The following NRXN3 variants were observed in gnomAD, a reference collection of about 807,000 sequenced individuals.
NRXN3 encodes neurexin 3, also known as neurexin III.
NRXN3 carries 32 observed loss-of-function variants against 137.6 expected under a neutral mutation model. The ratio of observed to expected loss-of-function variants is 0.23; its 90% CI spans 0.18 to 0.31. The LOEUF (loss-of-function observed/expected upper bound fraction) is 0.31, where lower values mean the gene tolerates loss of function less well. Ranked by LOEUF, NRXN3 falls within the 10% of genes least tolerant of loss-of-function variation. The probability of loss-of-function intolerance (pLI) is 1.00; values close to 1 mark genes in which losing one functional copy is unlikely to be tolerated. For synonymous variants in NRXN3, 798 were observed against 784.5 expected (o/e 1.02, Z -0.29); for missense variants, 1,574 against 2,062.5 (o/e 0.76, Z 4.59).
intron 15 of NRXN3, among the ~76,000 whole-genome samples, chr14:79,162,987 T>G (rs1261240798): frequency 6.6e-6 from 1 of 151,904 alleles, no homozygotes; most frequent in African/African-American, 2.4e-5. Context: ...CTTCTCTTCC[T>G]TTTTTTCTTC....
chr14:79,623,431 G>C (rs751037940), intron 16 of NRXN3, among the ~76,000 whole-genome samples: 2 of 152,194 alleles, frequency 1.3e-5, no homozygotes, highest in African/African-American at 2.4e-5. Context: ...AGCAGCTGTA[G>C]ACACTTCGTT....
At position 79,861,648 on chromosome 14, in the gene NRXN3, G is replaced by A. The variant is rs372128835; in HGVS notation, c.4400G>A (p.Arg1467His). 37 of 1,613,960 alleles carry A rather than the reference G, an allele frequency of 2.3e-5. No homozygotes were observed. Among genetic ancestry groups the A allele is most frequent in the Non-Finnish European group, 2.8e-5 (33 of 1,180,036 alleles). ...CCACTAATTACTTCCCCCATGTTCC[G>A]TAATGTGCCCACAGCAAACCCCACG... ...KSPLITSPMF[R>H]NVPTANPTEP... is the part of the protein sequence containing the mutation. Residue 1467 changes from arginine (R) to histidine (H), a missense_variant, in exon 21 of 21, where the codon CGT (arginine) becomes CAT (histidine). Arg to His is a conservative substitution (Grantham distance 29). Transcript: ENST00000335750. The surrounding 1 kb of genome is among the most constrained non-coding windows in gnomAD (Gnocchi z 5.4).
At chr14:78,862,954 C>A (rs2099076716) in intron 10 of NRXN3, among the ~76,000 whole-genome samples, 1 of 152,120 alleles carries the variant, frequency 6.6e-6, no homozygotes, top group African/African-American at 2.4e-5. Flanking sequence ...ATATGATTAT[C>A]TCTGCCACAG....
chr14:78,614,815 T>A (rs992219369), intron 4 of NRXN3: 4 of 361,290 alleles, frequency 1.1e-5, no homozygotes, highest in Non-Finnish European at 2.2e-5. Context: ...GCAAATTAGG[T>A]AATGAAACAA....
intron 4 of NRXN3, among the ~76,000 whole-genome samples, chr14:78,470,193 C>A (rs2095231709): frequency 6.6e-6 from 1 of 152,218 alleles, no homozygotes; most frequent in Non-Finnish European, 1.5e-5. Flanking sequence ...AGGTATGACA[C>A]TGACAATCTT....
chr14:79,503,385 C>T (rs926592398), intron 16 of NRXN3, among the ~76,000 whole-genome samples: 1 of 152,158 alleles, frequency 6.6e-6, no homozygotes, highest in Non-Finnish European at 1.5e-5. Context: ...CCAGACTCTA[C>T]TTTCTCCATT....
chr14:79,601,040 CTTTT>C (rs36044631), intron 16 of NRXN3, among the ~76,000 whole-genome samples: 3 of 93,424 alleles, frequency 3.2e-5, no homozygotes, highest in African/African-American at 1.4e-4. Flanking sequence ...TCTTTGTTGC[CTTTT>C]TTTTTTTTTT....
At chr14:79,432,757 T>C (rs2095784464) in intron 15 of NRXN3, among the ~76,000 whole-genome samples, 1 of 152,148 alleles carries the variant, frequency 6.6e-6, no homozygotes, top group Admixed American at 6.6e-5. Context: ...AATCATGAGG[T>C]CTTCTGTCAT....
chr14:78,266,723 C>T (rs1426592361), intron 2 of NRXN3, among the ~76,000 whole-genome samples: 1 of 152,124 alleles, frequency 6.6e-6, no homozygotes, highest in Non-Finnish European at 1.5e-5. Context: ...AGGCAATATG[C>T]ATGGGCCTCA....
chr14:78,243,770 C>T lies in NRXN3; in HGVS notation c.677C>T (p.Thr226Ile). Residue 226 changes from threonine (T) to isoleucine (I), a missense_variant, in exon 2 of 21, where the codon ACC (threonine) becomes ATC (isoleucine). By Grantham distance (89) the Thr-to-Ile change is moderately conservative. Transcript: ENST00000335750. This position sits in a 1 kb window ranked among gnomAD's most constrained non-coding sequence, Gnocchi z 4.2. The stretch of plus-strand genomic sequence containing the variant: ...GGCCACCCCACCTGTGACTGTTCTA[C>T]CACTGGCTATGGTGGCAAGCTCTGC... The part of the protein sequence containing the change: ...LDGHPTCDCS[T>I]TGYGGKLCSE... 6.3e-7 allele frequency: 1 copy of T among 1,593,298 alleles called. No individual in the cohort carries two copies. The highest frequency in any genetic ancestry group is 8.5e-7 in the Non-Finnish European group (1 of 1,176,942).
At chr14:79,204,898 C>T (rs767710870) in intron 15 of NRXN3, among the ~76,000 whole-genome samples, 12 of 152,190 alleles carry the variant, frequency 7.9e-5, no homozygotes, top group Admixed American at 3.9e-4. Context: ...TGTACACACA[C>T]AGTATCATAT....
chr14:78,912,656 C>A (rs1298381159), intron 10 of NRXN3, among the ~76,000 whole-genome samples: 2 of 152,178 alleles, frequency 1.3e-5, no homozygotes, highest in Non-Finnish European at 2.9e-5. Flanking sequence ...ATCATTTATT[C>A]TTCTTACATC....
intron 4 of NRXN3, among the ~76,000 whole-genome samples, chr14:78,320,570 G>T (rs1407151816): frequency 3.3e-5 from 5 of 152,166 alleles, no homozygotes; most frequent in Non-Finnish European, 2.9e-5. Context: ...ATAGTCAGAG[G>T]AATCGAAAGT....
At chr14:79,699,410 G>A (rs1031038409) in intron 19 of NRXN3, among the ~76,000 whole-genome samples, 6 of 152,006 alleles carry the variant, frequency 3.9e-5, no homozygotes, top group African/African-American at 1.4e-4. Context: ...AACTCTGTGG[G>A]AAGCAGAGAA....
At chr14:78,806,348 A>G (rs1375773757) in intron 9 of NRXN3, among the ~76,000 whole-genome samples, 1 of 152,026 alleles carries the variant, frequency 6.6e-6, no homozygotes, top group African/African-American at 2.4e-5. Flanking sequence ...CCCTCCCCAA[A>G]ATATACCCCT....
At chr14:78,430,328 C>T (rs1301385357) in intron 4 of NRXN3, among the ~76,000 whole-genome samples, 1 of 152,194 alleles carries the variant, frequency 6.6e-6, no homozygotes, top group African/African-American at 2.4e-5. Flanking sequence ...TGGAGCAATC[C>T]ATCCATCTGT....
At chr14:79,843,708 C>G (rs1487400442) in intron 20 of NRXN3, among the ~76,000 whole-genome samples, 1 of 152,132 alleles carries the variant, frequency 6.6e-6, no homozygotes, top group Non-Finnish European at 1.5e-5. Context: ...CTTATGAAGT[C>G]ATTTTACTAA....
intron 19 of NRXN3, among the ~76,000 whole-genome samples, chr14:79,767,605 T>C (rs1464487042): frequency 2.0e-5 from 3 of 152,230 alleles, no homozygotes; most frequent in Non-Finnish European, 4.4e-5. Context: ...GGGGTACTTA[T>C]CATATGTCCT....
chr14:78,339,032 G>T (rs1248286779), intron 4 of NRXN3, among the ~76,000 whole-genome samples: 2 of 152,088 alleles, frequency 1.3e-5, no homozygotes, highest in East Asian at 1.9e-4. Flanking sequence ...TGGCCTCATT[G>T]GGTCTGCAGT....
Sources: gnomAD v4.1 joint callset for allele counts (sites outside exome capture counted in the v4.1 genomes callset) on GRCh38, gnomAD v4.1.1 for gene constraint, Gnocchi (gnomAD v3.1) non-coding constraint, MANE v1.5 for transcripts, NCBI Gene and HGNC (gene_info 2026-07-23, HGNC 2026-07-21) for gene names.